SFXN5: variants seen among roughly 807,000 people sequenced by gnomAD.
SFXN5 encodes the protein sideroflexin-5.
In SFXN5, 43 loss-of-function variants were observed where a neutral mutation model predicts 50.2. The ratio of observed to expected loss-of-function variants is 0.86; its 90% CI spans 0.67 to 1.11. SFXN5 has a LOEUF of 1.11. SFXN5 is among the 50% of genes least tolerant of loss of function. SFXN5 has a pLI of 0.00. For synonymous variants in SFXN5, 203 were observed against 185.8 expected (o/e 1.09, Z -0.75); for missense variants, 463 against 454.1 (o/e 1.02, Z -0.18).
At chr2:72,955,478 G>C (rs1573943149) in intron 13 of SFXN5, among the ~76,000 whole-genome samples, 1 of 152,352 alleles carries the variant, frequency 6.6e-6, no homozygotes, top group Admixed American at 6.5e-5. Flanking sequence ...ACTGCGGTGG[G>C]GGAGAGCCCG....
intron 13 of SFXN5, among the ~76,000 whole-genome samples, chr2:72,946,603 T>TGAACTCAA (rs1671958892): frequency 1.3e-5 from 2 of 152,060 alleles, no homozygotes. Context: ...CACAGGCGCC[T>TGAACTCAA]GAACTCAACC....
intron 9 of SFXN5, chr2:72,996,956 G>A (rs997233371): frequency 1.3e-5 from 2 of 152,238 alleles, no homozygotes; most frequent in African/African-American, 2.4e-5. Flanking sequence ...GAGGTGACAA[G>A]AGTTCTTTCT....
At chr2:73,012,172 T>A (rs1368137131) in intron 6 of SFXN5, among the ~76,000 whole-genome samples, 1 of 152,188 alleles carries the variant, frequency 6.6e-6, no homozygotes, top group Non-Finnish European at 1.5e-5. Context: ...TATGCAGATA[T>A]CTAGAAAAAG....
At position 72,973,845 on chromosome 2, in the gene SFXN5, C is replaced by T. The variant is rs748572369; in HGVS notation, c.626-2160G>A. 2.6e-5 allele frequency among the ~76,000 whole-genome samples: 4 copies of T among 152,124 alleles called. No individual in the cohort carries two copies. The highest frequency in any genetic ancestry group is 5.9e-5 in the Non-Finnish European group (4 of 68,012). ...CATGCCCTTGGAGCTGCCAGGCTTT[C>T]GGTTCCCAGGAGACCTAAGAAAACC... is the stretch of plus-strand genomic sequence containing the variant. On this transcript the variant is annotated intron_variant, in intron 10 of 13. Transcript: ENST00000272433. This position sits in a 1 kb window ranked among gnomAD's most constrained non-coding sequence, Gnocchi z 5.5.
intron 2 of SFXN5, among the ~76,000 whole-genome samples, chr2:73,056,587 A>G (rs1481250331): frequency 2.6e-5 from 4 of 151,666 alleles, no homozygotes; most frequent in Non-Finnish European, 5.9e-5. Context: ...TCGAAGGCTG[A>G]GGCAGGAGAA....
In SFXN5 at chr2:72,992,733, C is replaced by T. The variant is rs1361846235; in HGVS notation, c.535-4385G>A. Among the ~76,000 whole-genome samples, 1 of 152,228 alleles carries T rather than the reference C, an allele frequency of 6.6e-6. No individual in the cohort carries two copies. Among genetic ancestry groups the T allele is most frequent in the Non-Finnish European group, 1.5e-5 (1 of 68,032 alleles). On this transcript the variant is annotated intron_variant, in intron 9 of 13. Coordinates refer to ENST00000272433, the MANE Select transcript of SFXN5 (RefSeq NM_144579.3). This position sits in a 1 kb window ranked among gnomAD's most constrained non-coding sequence, Gnocchi z 4.5. ...GCCTCTGTCCCTGGATGACAGTGCA[C>T]CTCCTAACCAGGCCCCCTGTTTCCA...
intron 6 of SFXN5, among the ~76,000 whole-genome samples, chr2:73,007,055 C>A (rs1674773961): frequency 6.6e-6 from 1 of 152,218 alleles, no homozygotes; most frequent in South Asian, 2.1e-4. Context: ...AGGTCTCAAT[C>A]TGGGAGAGAG....
Position 72,961,293 on chromosome 2 carries a change from G to A in SFXN5, c.828-45C>T, listed in dbSNP as rs6710567. ...GAGCCCCATGAGACCCGAAGGTGGGGTGGGCTGGCTGCCAGCCACCATGCT... is the reference window on the plus strand; with the variant it reads ...GAGCCCCATGAGACCCGAAGGTGGGATGGGCTGGCTGCCAGCCACCATGCT... On this transcript the variant is annotated intron_variant, in intron 12 of 13. Coordinates refer to ENST00000272433, the MANE Select transcript of SFXN5 (RefSeq NM_144579.3). The surrounding 1 kb of genome is among the most constrained non-coding windows in gnomAD (Gnocchi z 4.4). 7.2e-6 allele frequency: 10 copies of A among 1,388,478 alleles called. No individual in the cohort carries two copies. In the South Asian group the frequency reaches 1.3e-4, roughly 18 times the overall value. The allele number at this position is 1,388,478 out of a possible 1,614,324, so 86.0% of individuals were successfully genotyped here.
At chr2:73,015,982 G>A (rs1574124808) in intron 6 of SFXN5, among the ~76,000 whole-genome samples, 1 of 150,336 alleles carries the variant, frequency 6.7e-6, no homozygotes, top group East Asian at 1.9e-4. Context: ...CGTCTTTCTA[G>A]GCAGTTTTGG....
At chr2:73,034,948 GTC>G (rs1443565523) in intron 3 of SFXN5, among the ~76,000 whole-genome samples, 1 of 152,090 alleles carries the variant, frequency 6.6e-6, no homozygotes, top group African/African-American at 2.4e-5. Flanking sequence ...TCTTCTCTCT[GTC>G]TCTGTCACTT....
intron 5 of SFXN5, among the ~76,000 whole-genome samples, chr2:73,021,483 C>T (rs898213103): frequency 1.3e-5 from 2 of 152,116 alleles, no homozygotes; most frequent in Non-Finnish European, 2.9e-5. Flanking sequence ...GACTCTGTCT[C>T]AAATAAAAAG....
intron 6 of SFXN5, among the ~76,000 whole-genome samples, chr2:73,003,571 C>G (rs998906263): frequency 1.3e-5 from 2 of 152,244 alleles, no homozygotes; most frequent in South Asian, 4.1e-4. Flanking sequence ...CTCTTTGCAC[C>G]GTCAGAAGCT....
chr2:73,066,085 G>T (rs1410552312), intron 1 of SFXN5, among the ~76,000 whole-genome samples: 1 of 152,138 alleles, frequency 6.6e-6, no homozygotes, highest in Non-Finnish European at 1.5e-5. Context: ...TAGGCAGCTG[G>T]AGTAGTGGTT....
At chr2:72,999,703 T>C (rs1298601303) in intron 8 of SFXN5, among the ~76,000 whole-genome samples, 5 of 152,042 alleles carry the variant, frequency 3.3e-5, no homozygotes, top group Non-Finnish European at 5.9e-5. Flanking sequence ...TCTCAATTCC[T>C]ATGGCCCAGG....
intron 9 of SFXN5, chr2:72,997,581 A>G (rs1421050539): frequency 6.7e-6 from 1 of 150,140 alleles, no homozygotes; most frequent in Non-Finnish European, 1.5e-5. Context: ...TAAATTTTTT[A>G]TTATTTATTT....
At chr2:73,027,469 T>G (rs1041442416) in intron 3 of SFXN5, among the ~76,000 whole-genome samples, 8 of 152,196 alleles carry the variant, frequency 5.3e-5, no homozygotes, top group African/African-American at 1.9e-4. Flanking sequence ...GGTTAATTTA[T>G]TTTGAAGAGA....
intron 12 of SFXN5, 115 bp downstream of exon 12, chr2:72,968,333 A>G: frequency 1.1e-6 from 1 of 882,226 alleles, no homozygotes; most frequent in East Asian, 2.7e-5. Context: ...CCCTCTACAC[A>G]AACTGGGGTG....
chr2:73,063,280 C>T lies in SFXN5; in HGVS notation c.103-4684G>A, dbSNP rs1401941538. Among the ~76,000 whole-genome samples the T allele has an allele frequency of 2.0e-5, 3 of 152,090 alleles. No homozygotes were observed. In the East Asian group the frequency reaches 5.8e-4, roughly 29 times the overall value. ...GTACAGATTGCCCTAAGACCCCCAC[C>T]CCACCCACTATAGAGACAAACCTAT... On this transcript the variant is annotated intron_variant, in intron 1 of 13. Coordinates refer to ENST00000272433, the MANE Select transcript of SFXN5 (RefSeq NM_144579.3).
intron 9 of SFXN5, among the ~76,000 whole-genome samples, chr2:72,990,459 T>C (rs1348215424): frequency 1.3e-5 from 2 of 151,918 alleles, no homozygotes; most frequent in Non-Finnish European, 2.9e-5. Flanking sequence ...AAAAAGTGCA[T>C]TGAGAGAAAG....
Sources: allele counts gnomAD v4.1 joint callset (sites outside exome capture counted in the v4.1 genomes callset), GRCh38; gene constraint gnomAD v4.1.1; non-coding constraint Gnocchi (gnomAD v3.1); transcripts MANE v1.5; gene names NCBI Gene and HGNC (gene_info 2026-07-23, HGNC 2026-07-21).